CACNA2D3: variants seen among roughly 807,000 people sequenced by gnomAD.
The protein encoded by CACNA2D3 is calcium voltage-gated channel auxiliary subunit alpha2delta 3.
Under a neutral mutation model 160.6 loss-of-function variants are expected in CACNA2D3, and 60 were observed. That is an observed-to-expected ratio of 0.37 (90% CI 0.30 to 0.46). CACNA2D3 has a LOEUF of 0.46. Among genes scored for constraint, CACNA2D3 ranks in the 20% least tolerant of loss-of-function variants. CACNA2D3 has a pLI of 1.00. For synonymous variants in CACNA2D3, 558 were observed against 492.9 expected (o/e 1.13, Z -1.75); for missense variants, 1,205 against 1,365.0 (o/e 0.88, Z 1.85).
chr3:54,193,340 C>G lies in CACNA2D3; in HGVS notation c.204+69746C>G, dbSNP rs139315855. ...TCAGTAAACAAAAGCAGGCAGAGGG[C>G]TTTTTGCTCATTTTCTTGCAAATTG... is the stretch of plus-strand genomic sequence containing the variant. On this transcript the variant is annotated intron_variant, in intron 2 of 37. Coordinates refer to ENST00000474759, the MANE Select transcript of CACNA2D3 (RefSeq NM_018398.3). Among the ~76,000 whole-genome samples, 492 of 152,254 alleles carry G rather than the reference C, an allele frequency of 3.2e-3. 2 individuals carry two copies. Among genetic ancestry groups the G allele is most frequent in the African/African-American group, 0.011 (447 of 41,550 alleles).
At chr3:54,296,195 T>C (rs1703339730) in intron 2 of CACNA2D3, among the ~76,000 whole-genome samples, 1 of 152,196 alleles carries the variant, frequency 6.6e-6, no homozygotes, top group Non-Finnish European at 1.5e-5. Flanking sequence ...TGGATGTGAA[T>C]TGAACTTGGC....
At chr3:54,530,606 A>G (rs948864945) in intron 5 of CACNA2D3, among the ~76,000 whole-genome samples, 5 of 152,148 alleles carry the variant, frequency 3.3e-5, no homozygotes, top group African/African-American at 9.7e-5. Flanking sequence ...AGGACTCACT[A>G]TACACCAGGC....
intron 10 of CACNA2D3, chr3:54,632,381 T>G (rs745995695): frequency 6.6e-6 from 1 of 152,236 alleles, no homozygotes; most frequent in Admixed American, 6.5e-5. Flanking sequence ...TCTGTTTTTT[T>G]CCCCTTGAAG....
chr3:54,664,451 A>G (rs1700028248), intron 11 of CACNA2D3, among the ~76,000 whole-genome samples: 1 of 152,222 alleles, frequency 6.6e-6, no homozygotes, highest in Non-Finnish European at 1.5e-5. Context: ...GCAGCTACAC[A>G]GCAGCTGGAT....
chr3:54,378,329 A>C (rs994306283), intron 3 of CACNA2D3, among the ~76,000 whole-genome samples: 1 of 152,196 alleles, frequency 6.6e-6, no homozygotes, highest in African/African-American at 2.4e-5. Flanking sequence ...GCAGTTCACA[A>C]TAGAGTTCAT....
chr3:54,662,289 C>A (rs1011903310), intron 11 of CACNA2D3, among the ~76,000 whole-genome samples: 11 of 152,086 alleles, frequency 7.2e-5, no homozygotes, highest in Non-Finnish European at 1.5e-4. Context: ...CTCAAACTTT[C>A]ATGGATGGAG....
At chr3:54,802,971 A>G (rs1370121412) in intron 13 of CACNA2D3, among the ~76,000 whole-genome samples, 1 of 152,214 alleles carries the variant, frequency 6.6e-6, no homozygotes, top group Non-Finnish European at 1.5e-5. Context: ...GACCTCTAGC[A>G]AACTTCAACA....
chr3:54,291,107 T>C (rs2107477124), intron 2 of CACNA2D3, among the ~76,000 whole-genome samples: 2 of 152,296 alleles, frequency 1.3e-5, no homozygotes, highest in South Asian at 4.1e-4. Flanking sequence ...ATGGAAAACA[T>C]CGTGGCAGGT....
chr3:54,843,784 C>G (rs1011438429), intron 16 of CACNA2D3, among the ~76,000 whole-genome samples: 1 of 152,144 alleles, frequency 6.6e-6, no homozygotes, highest in African/African-American at 2.4e-5. Flanking sequence ...GGAATTGGAG[C>G]AAACCTGGAG....
intron 21 of CACNA2D3, among the ~76,000 whole-genome samples, chr3:54,883,503 C>G (rs1450073234): frequency 6.6e-6 from 1 of 152,088 alleles, no homozygotes; most frequent in Non-Finnish European, 1.5e-5. Flanking sequence ...AGAGAAGAAG[C>G]AGTCAAAAAG....
intron 14 of CACNA2D3, among the ~76,000 whole-genome samples, chr3:54,820,305 G>A (rs1575494376): frequency 6.6e-6 from 1 of 152,076 alleles, no homozygotes; most frequent in Non-Finnish European, 1.5e-5. Flanking sequence ...TGTCCCATTT[G>A]GGTGTCCCTC....
chr3:54,711,292 A>G (rs975435806), intron 11 of CACNA2D3, among the ~76,000 whole-genome samples: 4 of 152,138 alleles, frequency 2.6e-5, no homozygotes, highest in African/African-American at 9.7e-5. Flanking sequence ...CACACACACA[A>G]AAGACCTATT....
rs1364645374 is a variant in CACNA2D3, at chr3:54,819,126, C to G, written c.1398+2256C>G. 3.3e-5 allele frequency among the ~76,000 whole-genome samples: 5 copies of G among 151,220 alleles called. No homozygotes were observed. In the South Asian group the frequency reaches 1.0e-3, roughly 31 times the overall value. The stretch of plus-strand genomic sequence containing the variant: ...CTTTGCCAGAAGAATGAGGTTCTTG[C>G]AAGTGTCAGCTTTCCTTAGATTTAC... On this transcript the variant is annotated intron_variant, in intron 14 of 37. Coordinates refer to ENST00000474759, the MANE Select transcript of CACNA2D3 (RefSeq NM_018398.3).
intron 2 of CACNA2D3, among the ~76,000 whole-genome samples, chr3:54,264,401 A>G (rs1361911391): frequency 2.0e-5 from 3 of 152,206 alleles, no homozygotes; most frequent in Non-Finnish European, 4.4e-5. Context: ...TAAGGACAGA[A>G]GGAAGTGTAA....
chr3:54,977,219 A>G (rs1702410281), intron 29 of CACNA2D3, among the ~76,000 whole-genome samples: 1 of 152,144 alleles, frequency 6.6e-6, no homozygotes, highest in African/African-American at 2.4e-5. Flanking sequence ...CAATTTTCCT[A>G]GGGTACTTTT....
rs1277344228 is a variant in CACNA2D3, at chr3:54,984,664, C to T, written c.2613C>T (p.Tyr871=). ...NNGFILVSED[Y]TQTGDFFGEI... ...GATTTATTTTGGTGTCTGAAGACTA[C>T]ACACAGGTGAGTGAAAATTTTCTAC... Residue 871 remains tyrosine, a synonymous_variant, in exon 30 of 38, where the codon TAC becomes TAT. Transcript: ENST00000474759. The T allele has an allele frequency of 4.5e-6, 7 of 1,559,144 alleles. No individual in the cohort carries two copies. Among genetic ancestry groups the T allele is most frequent in the Non-Finnish European group, 6.1e-6 (7 of 1,146,178 alleles).
chr3:54,854,294 T>C (rs1203508208), intron 17 of CACNA2D3, among the ~76,000 whole-genome samples: 1 of 152,244 alleles, frequency 6.6e-6, no homozygotes, highest in East Asian at 1.9e-4. Context: ...CCTTGTGTGC[T>C]TTCTTCCTGA....
intron 13 of CACNA2D3, among the ~76,000 whole-genome samples, chr3:54,772,367 G>A (rs764141606): frequency 6.6e-6 from 1 of 151,778 alleles, no homozygotes; most frequent in African/African-American, 2.4e-5. Context: ...TAGTGCTTTC[G>A]CTATTAATTA....
chr3:55,063,585 C>T (rs1327325728), intron 35 of CACNA2D3, among the ~76,000 whole-genome samples: 1 of 152,122 alleles, frequency 6.6e-6, no homozygotes, highest in Non-Finnish European at 1.5e-5. Flanking sequence ...GCATGGTGCA[C>T]TCAGGGGCTC....
Sources: allele counts gnomAD v4.1 joint callset (sites outside exome capture counted in the v4.1 genomes callset), GRCh38; gene constraint gnomAD v4.1.1; transcripts MANE v1.5; gene names NCBI Gene and HGNC (gene_info 2026-07-23, HGNC 2026-07-21).